TMOD3: variants seen among roughly 807,000 people sequenced by gnomAD.
TMOD3 encodes tropomodulin 3, also known as tropomodulin-3.
Under a neutral mutation model 39.2 loss-of-function variants are expected in TMOD3, and 20 were observed. The observed-to-expected ratio is 0.51, with a 90% CI of 0.36 to 0.74. The LOEUF (loss-of-function observed/expected upper bound fraction) is 0.74. Among genes scored for constraint, TMOD3 ranks in the 30% least tolerant of loss-of-function variants. TMOD3 has a pLI of 0.00. For synonymous variants in TMOD3, 143 were observed against 145.8 expected (o/e 0.98, Z 0.14); for missense variants, 381 against 412.8 (o/e 0.92, Z 0.67).
In TMOD3 at chr15:51,889,148, G is replaced by A; in HGVS notation, c.496+3G>A. The A allele has an allele frequency of 1.3e-6, 2 of 1,567,064 alleles. No individual in the cohort carries two copies. The highest frequency in any genetic ancestry group is 1.7e-5 in the Admixed American group (1 of 58,254). Reference sequence around the variant, plus strand: ...TGTTGACCAAGAACATTTTTCAAGTGAGTACTTAAAATGCTTTGTGAATTC... The same window carrying A: ...TGTTGACCAAGAACATTTTTCAAGTAAGTACTTAAAATGCTTTGTGAATTC... On this transcript the variant is annotated splice_donor_region_variant and intron_variant, in intron 5 of 9. Transcript: ENST00000308580.
At chr15:51,879,287 A>G (rs937646474) in intron 3 of TMOD3, among the ~76,000 whole-genome samples, 2 of 151,690 alleles carry the variant, frequency 1.3e-5, no homozygotes, top group Non-Finnish European at 2.9e-5. Context: ...ACCAAGGTTC[A>G]GCCTTATTTT....
At chr15:51,845,566 G>C (rs963383836) in intron 1 of TMOD3, among the ~76,000 whole-genome samples, 1 of 152,058 alleles carries the variant, frequency 6.6e-6, no homozygotes, top group Admixed American at 6.6e-5. Context: ...GACCAGCCTG[G>C]GCAACATAGT....
intron 9 of TMOD3, among the ~76,000 whole-genome samples, chr15:51,904,339 C>T (rs1595913909): frequency 6.6e-6 from 1 of 152,282 alleles, no homozygotes; most frequent in East Asian, 1.9e-4. Context: ...TGGCAGGGGC[C>T]ATGTCCGACT....
At chr15:51,846,782 T>A (rs1193591788) in intron 1 of TMOD3, among the ~76,000 whole-genome samples, 2 of 152,200 alleles carry the variant, frequency 1.3e-5, no homozygotes, top group Non-Finnish European at 2.9e-5. Context: ...CAGAGACTTG[T>A]TCGTATGATG....
At chr15:51,869,433 G>A (rs1854598964) in intron 3 of TMOD3, 60 bp downstream of exon 3, 1 of 1,523,276 alleles carries the variant, frequency 6.6e-7, no homozygotes, top group African/African-American at 1.4e-5. Flanking sequence ...TTTTATAGGT[G>A]GGTGTGGAGA....
In TMOD3 at chr15:51,915,070, A is replaced by G. The variant is rs1393411951; in HGVS notation, c.*6260A>G. 2 of 152,114 alleles carry G rather than the reference A, an allele frequency of 1.3e-5. No individual in the cohort carries two copies. The highest frequency in any genetic ancestry group is 2.4e-5 in the African/African-American group (1 of 41,420). 9.4% of individuals were successfully genotyped at this position (152,114 alleles called of 1,614,324 possible). On this transcript the variant is annotated 3_prime_UTR_variant, in exon 10 of 10. Transcript: ENST00000308580. ...GTAAGACAGACACCTCTTAGAATCTATATATATGAGGTTTTACTCCCTTTT... is the reference window on the plus strand; with the variant it reads ...GTAAGACAGACACCTCTTAGAATCTGTATATATGAGGTTTTACTCCCTTTT...
chr15:51,866,135 C>T (rs904122929), intron 2 of TMOD3, among the ~76,000 whole-genome samples: 2 of 152,040 alleles, frequency 1.3e-5, no homozygotes, highest in African/African-American at 4.8e-5. Context: ...GTCTCTAAAA[C>T]CAGCTAGCTT....
At chr15:51,877,978 A>C (rs1036604256) in intron 3 of TMOD3, among the ~76,000 whole-genome samples, 7 of 152,018 alleles carry the variant, frequency 4.6e-5, no homozygotes, top group African/African-American at 1.7e-4. Flanking sequence ...GACCCTCTGC[A>C]CAACTCCTGG....
intron 1 of TMOD3, among the ~76,000 whole-genome samples, chr15:51,832,681 A>G (rs917297594): frequency 1.3e-5 from 2 of 152,114 alleles, no homozygotes; most frequent in African/African-American, 4.8e-5. Context: ...CTAAAACAAA[A>G]GAGAAAATCA....
At chr15:51,854,966 A>G (rs982891254) in intron 1 of TMOD3, among the ~76,000 whole-genome samples, 9 of 152,188 alleles carry the variant, frequency 5.9e-5, no homozygotes, top group African/African-American at 1.9e-4. Context: ...ATAAGTGATA[A>G]ATGAAAAGGA....
intron 3 of TMOD3, among the ~76,000 whole-genome samples, chr15:51,885,869 G>C (rs1595905674): frequency 1.3e-5 from 2 of 150,360 alleles, no homozygotes; most frequent in East Asian, 3.9e-4. Flanking sequence ...GGGCGGCCGG[G>C]CAGAGGCGCC....
chr15:51,849,680 C>G (rs1353643663), intron 1 of TMOD3, among the ~76,000 whole-genome samples: 1 of 152,140 alleles, frequency 6.6e-6, no homozygotes, highest in Non-Finnish European at 1.5e-5. Context: ...CCTGTAATCC[C>G]AGCACTTTGG....
At chr15:51,885,870 C>A in intron 3 of TMOD3, among the ~76,000 whole-genome samples, 1 of 150,228 alleles carries the variant, frequency 6.7e-6, no homozygotes, top group South Asian at 2.1e-4. Context: ...GGCGGCCGGG[C>A]AGAGGCGCCC....
Position 51,896,446 on chromosome 15 carries a change from T to A in TMOD3, c.655T>A (p.Phe219Ile), listed in dbSNP as rs372598340. 1.9e-6 allele frequency: 3 copies of A among 1,612,920 alleles called. No individual in the cohort carries two copies. The African/African-American group carries it at 4.0e-5, about 22-fold the overall frequency. ...TATCCCAATTCCAACCCTAAAAGAT[T>A]TTGCAAAGGCTTTGGAAACCAACAC... ...KNIPIPTLKD[F>I]AKALETNTHV... The change falls in exon 7 of 10, where the codon TTT becomes ATT. Residue 219 changes from phenylalanine to isoleucine, a missense_variant. Transcript: ENST00000308580.
intron 1 of TMOD3, among the ~76,000 whole-genome samples, chr15:51,855,829 T>C: frequency 6.6e-6 from 1 of 152,214 alleles, no homozygotes; most frequent in East Asian, 1.9e-4. Context: ...AGAACTTCCC[T>C]TCCTAAGCAG....
In TMOD3 at chr15:51,911,730, T is replaced by G; in HGVS notation, c.*2920T>G. 1 of 152,234 alleles carries G rather than the reference T, an allele frequency of 6.6e-6. No homozygotes were observed. The allele number at this position is 152,234 out of a possible 1,614,324, so 9.4% of individuals were successfully genotyped here. Reference sequence around the variant, plus strand: ...CATATTTGTCTGAATTTTTCCAGTATTCCTACATGAAATTGTATGTATTAA... The same window carrying G: ...CATATTTGTCTGAATTTTTCCAGTAGTCCTACATGAAATTGTATGTATTAA... On this transcript the variant is annotated 3_prime_UTR_variant, in exon 10 of 10. Transcript: ENST00000308580.
At chr15:51,831,330 A>AT (rs1333844477) in intron 1 of TMOD3, among the ~76,000 whole-genome samples, 1 of 152,194 alleles carries the variant, frequency 6.6e-6, no homozygotes, top group Non-Finnish European at 1.5e-5. Flanking sequence ...CCATTCAAAG[A>AT]TTTTTCGTGT....
intron 1 of TMOD3, chr15:51,859,977 C>T: frequency 1.8e-6 from 1 of 545,670 alleles, no homozygotes; most frequent in South Asian, 1.4e-5. Flanking sequence ...GTAAATCTTT[C>T]CAAGCAAAAG....
chr15:51,902,174 T>C (rs2056654242), intron 9 of TMOD3, 138 bp downstream of exon 9: 2 of 960,482 alleles, frequency 2.1e-6, no homozygotes, highest in Non-Finnish European at 3.1e-6. Flanking sequence ...GTCCTTTATA[T>C]ACTGATTGAA....
Sources: gnomAD v4.1 joint callset for allele counts (sites outside exome capture counted in the v4.1 genomes callset) on GRCh38, gnomAD v4.1.1 for gene constraint, MANE v1.5 for transcripts, NCBI Gene and HGNC (gene_info 2026-07-23, HGNC 2026-07-21) for gene names.